The following TXLNG variants were observed in gnomAD, a reference collection of about 807,000 sequenced individuals.
TXLNG encodes the protein taxilin gamma, also known as gamma-taxilin.
In TXLNG, 5 loss-of-function variants were observed where a neutral mutation model predicts 38.8. The ratio of observed to expected loss-of-function variants is 0.13; its 90% CI spans 0.07 to 0.27. The LOEUF is 0.27. Among genes scored for constraint, TXLNG ranks in the 10% least tolerant of loss-of-function variants. The pLI is 1.00. For missense variants in TXLNG, 393 were observed against 398.2 expected, an observed-to-expected ratio of 0.99 and a Z score of 0.11; for synonymous variants, 182 against 158.2, an observed-to-expected ratio of 1.15 and a Z score of -1.13.
chrX:16,806,381 A>AT (rs1287995910), intron 1 of TXLNG, among the ~76,000 whole-genome samples: 2 of 112,662 alleles, frequency 1.8e-5, no homozygotes, highest in Non-Finnish European at 3.7e-5. Flanking sequence ...ATGGTTGCAC[A>AT]TACACTGTTG....
At chrX:16,788,346 A>G (rs761788296) in intron 1 of TXLNG, among the ~76,000 whole-genome samples, 9 of 112,265 alleles carry the variant, frequency 8.0e-5, no homozygotes, top group South Asian at 3.7e-4. Context: ...TAACAGCTGG[A>G]TAGGAATAGT....
intron 1 of TXLNG, among the ~76,000 whole-genome samples, chrX:16,795,121 C>T (rs1158667601): frequency 3.7e-5 from 4 of 109,153 alleles, no homozygotes; most frequent in Admixed American, 9.9e-5. Context: ...ACTAAAAATA[C>T]AAAAAATTAG....
Position 16,829,334 on chromosome X carries a change from G to A in TXLNG, c.670-242G>A, listed in dbSNP as rs1008283074. 3.6e-5 allele frequency among the ~76,000 whole-genome samples: 4 copies of A among 111,459 alleles called. 1 individual carries two copies. In the South Asian group the frequency reaches 1.1e-3, roughly 31 times the overall value. On this transcript the variant is annotated intron_variant, in intron 4 of 9. Coordinates refer to ENST00000380122, the MANE Select transcript of TXLNG (RefSeq NM_018360.3). ...GGCGAGTATTGCAGTAGAGTGAATT[G>A]TAGACAGCCATAACATTTATTTTGT...
intron 5 of TXLNG, among the ~76,000 whole-genome samples, chrX:16,830,789 GATAAT>G (rs1291397958): frequency 1.0e-5 from 1 of 100,411 alleles, no homozygotes; most frequent in African/African-American, 3.7e-5. Context: ...AAAGTAGAGA[GATAAT>G]ATAGCACCTG....
At chrX:16,817,342 A>G (rs892102835) in intron 1 of TXLNG, among the ~76,000 whole-genome samples, 3 of 112,230 alleles carry the variant, frequency 2.7e-5, no homozygotes, top group South Asian at 3.6e-4. Flanking sequence ...GTCCTTGCCA[A>G]TTTGTTCTTA....
intron 1 of TXLNG, among the ~76,000 whole-genome samples, chrX:16,812,537 G>A (rs1313794285): frequency 9.5e-6 from 1 of 105,707 alleles, no homozygotes; most frequent in Non-Finnish European, 1.9e-5. Flanking sequence ...GGGATTACAG[G>A]TGTGTGCCAT....
intron 3 of TXLNG, among the ~76,000 whole-genome samples, chrX:16,821,719 G>A (rs1326701791): frequency 2.7e-5 from 3 of 111,191 alleles, no homozygotes; most frequent in Non-Finnish European, 3.8e-5. Context: ...GGCTGGGCGC[G>A]GTGGCTCACG....
intron 1 of TXLNG, 55 bp downstream of exon 1, chrX:16,786,644 CT>C: frequency 1.2e-6 from 1 of 862,664 alleles, no homozygotes; most frequent in Non-Finnish European, 1.5e-6. Context: ...TTTGGGCTCC[CT>C]TTTTCAGGGT....
intron 1 of TXLNG, among the ~76,000 whole-genome samples, chrX:16,802,821 CTTTTT>C (rs561657297): frequency 3.4e-5 from 3 of 87,369 alleles, no homozygotes; most frequent in Non-Finnish European, 2.3e-5. Flanking sequence ...TTCTTTCTTT[CTTTTT>C]TTTTTTTTTT....
chrX:16,815,828 A>T (rs1221464349), intron 1 of TXLNG, among the ~76,000 whole-genome samples: 1 of 103,914 alleles, frequency 9.6e-6, no homozygotes, highest in African/African-American at 3.5e-5. Flanking sequence ...CCTGTCCGAA[A>T]TTTTTTTTTT....
rs1290631469 is a variant in TXLNG, at chrX:16,834,321, A to T, written c.1023A>T (p.Glu341Asp). Residue 341 changes from glutamate to aspartate, a missense_variant, in exon 7 of 10, where the codon GAA (glutamate) becomes GAT (aspartate). Glu to Asp is a conservative substitution (Grantham distance 45). Transcript: ENST00000380122. Reference protein sequence around the residue: ...KEATESRHKYEQMKQQEVQLK... With the variant: ...KEATESRHKYDQMKQQEVQLK... ...CGACAGAATCGAGGCACAAATACGAACAAATGAAACAGCAAGAAGTACAAC... is the reference window on the plus strand; with the variant it reads ...CGACAGAATCGAGGCACAAATACGATCAAATGAAACAGCAAGAAGTACAAC... 8.3e-7 allele frequency: 1 copy of T among 1,207,879 alleles called. No individual in the cohort carries two copies. The highest frequency in any genetic ancestry group is 1.7e-5 in the African/African-American group (1 of 57,346).
chrX:16,818,786 A>C lies in TXLNG; in HGVS notation c.315A>C (p.Ser105=), dbSNP rs772078291. The change falls in exon 2 of 10, where the codon TCA becomes TCC. Residue 105 remains serine (S), a synonymous_variant. Coordinates refer to ENST00000380122, the MANE Select transcript of TXLNG (RefSeq NM_018360.3). ...LVSPAYCTQE[S]REEIPGGEAR... ...GCCCAGCATACTGCACGCAAGAATC[A>C]AGAGAGGAAATCCCTGGGGGAGAAG... The C allele has an allele frequency of 6.6e-6, 8 of 1,210,765 alleles. No homozygotes were observed. In the Admixed American group the frequency reaches 1.5e-4, roughly 23 times the overall value.
intron 1 of TXLNG, 95 bp downstream of exon 1, chrX:16,786,684 T>C (rs1927497080): frequency 2.2e-6 from 1 of 446,121 alleles, no homozygotes; most frequent in Non-Finnish European, 2.9e-6. Flanking sequence ...TGGTTACCTA[T>C]AGCCACGGGA....
In TXLNG at chrX:16,828,074, A is replaced by G. The variant is rs774707325; in HGVS notation, c.499-20A>G. On this transcript the variant is annotated intron_variant, in intron 3 of 9. Transcript: ENST00000380122. ...GATTTTTACTGTACTTCCTAAATAC[A>G]AAGTGCTTATGAATTTTAGCTGGAG... 1 of 1,178,826 alleles carries G rather than the reference A, an allele frequency of 8.5e-7. No homozygotes were observed. Among genetic ancestry groups the G allele is most frequent in the South Asian group, 1.9e-5 (1 of 51,725 alleles).
At chrX:16,788,901 C>T (rs1320987115) in intron 1 of TXLNG, among the ~76,000 whole-genome samples, 1 of 111,377 alleles carries the variant, frequency 9.0e-6, no homozygotes, top group Non-Finnish European at 1.9e-5. Flanking sequence ...CTCCTGGCCT[C>T]AGGTAAGCCA....
At chrX:16,821,329 A>AC (rs1447450014) in intron 3 of TXLNG, among the ~76,000 whole-genome samples, 1 of 101,076 alleles carries the variant, frequency 9.9e-6, no homozygotes, top group Non-Finnish European at 2.0e-5. Flanking sequence ...TTTAGTAGAG[A>AC]TGGGTTTCAC....
chrX:16,836,020 A>T (rs1317900874), intron 7 of TXLNG, among the ~76,000 whole-genome samples: 1 of 112,408 alleles, frequency 8.9e-6, no homozygotes, highest in African/African-American at 3.2e-5. Flanking sequence ...CTGTAATCCT[A>T]GCCAAGGCGG....
chrX:16,829,857 T>G, intron 5 of TXLNG, 87 bp downstream of exon 5: 1 of 974,827 alleles, frequency 1.0e-6, no homozygotes, highest in Non-Finnish European at 1.4e-6. Context: ...CTGTCACGGG[T>G]GTTTCAGAAC....
intron 8 of TXLNG, 40 bp from the exon 9 acceptor site, chrX:16,839,777 TAAGG>T (rs760638075): frequency 1.1e-4 from 106 of 1,003,222 alleles, no homozygotes; most frequent in Non-Finnish European, 1.1e-4. Context: ...GGAGTAGAGA[TAAGG>T]AAGGGAACTT....
Sources: gnomAD v4.1 joint callset for allele counts (sites outside exome capture counted in the v4.1 genomes callset) on GRCh38, gnomAD v4.1.1 for gene constraint, MANE v1.5 for transcripts, NCBI Gene and HGNC (gene_info 2026-07-23, HGNC 2026-07-21) for gene names.